Variants in PAN3 observed in about 807,000 individuals in gnomAD.
PAN3 encodes poly(A) specific ribonuclease subunit PAN3.
Under a neutral mutation model 96.2 loss-of-function variants are expected in PAN3, and 19 were observed. The ratio of observed to expected loss-of-function variants is 0.20; its 90% CI spans 0.14 to 0.29. PAN3 has a LOEUF of 0.29. Among genes scored for constraint, PAN3 ranks in the 10% least tolerant of loss-of-function variants. The pLI is 1.00. For missense variants in PAN3, 882 were observed against 1,108.1 expected, an observed-to-expected ratio of 0.80 and a Z score of 2.90; for synonymous variants, 433 against 406.6, an observed-to-expected ratio of 1.06 and a Z score of -0.78.
intron 15 of PAN3, among the ~76,000 whole-genome samples, chr13:28,277,942 TATCG>T (rs1437921278): frequency 6.6e-6 from 1 of 152,194 alleles, no homozygotes; most frequent in East Asian, 1.9e-4. Flanking sequence ...AATCCTTGAG[TATCG>T]ATTTGAGATG....
At chr13:28,196,293 G>A (rs2138226989) in intron 4 of PAN3, among the ~76,000 whole-genome samples, 1 of 151,904 alleles carries the variant, frequency 6.6e-6, no homozygotes, top group Non-Finnish European at 1.5e-5. Flanking sequence ...ATGAATTAGT[G>A]TTTTCTGAAG....
chr13:28,207,079 A>G (rs1879464216), intron 5 of PAN3, among the ~76,000 whole-genome samples: 1 of 152,196 alleles, frequency 6.6e-6, no homozygotes, highest in Non-Finnish European at 1.5e-5. Flanking sequence ...ATAAAAATAA[A>G]TGAATAAAAA....
Position 28,169,658 on chromosome 13 carries a change from C to G in PAN3, c.431-4614C>G, listed in dbSNP as rs113928456. Among the ~76,000 whole-genome samples the G allele has an allele frequency of 9.8e-3, 1,487 of 152,164 alleles. 18 individuals are homozygous for G. Among genetic ancestry groups the G allele is most frequent in the African/African-American group, 0.034 (1,421 of 41,530 alleles). ...CGTATCATTGGTTAGTGATTTTTTC[C>G]TAACTGCACTCCAAGTATCTATTCC... On this transcript the variant is annotated intron_variant, in intron 1 of 18. Coordinates refer to ENST00000380958, the MANE Select transcript of PAN3 (RefSeq NM_175854.8).
intron 18 of PAN3, among the ~76,000 whole-genome samples, chr13:28,288,911 C>T (rs957247386): frequency 1.4e-5 from 2 of 142,192 alleles, no homozygotes; most frequent in African/African-American, 5.3e-5. Flanking sequence ...ACTGCAAGCT[C>T]CGCCTCCCGG....
chr13:28,179,435 G>T (rs1358410716), intron 4 of PAN3, among the ~76,000 whole-genome samples: 1 of 152,114 alleles, frequency 6.6e-6, no homozygotes, highest in Non-Finnish European at 1.5e-5. Flanking sequence ...AGTTAACTTG[G>T]CTGGGCAAGG....
At chr13:28,158,627 C>T (rs1872518204) in intron 1 of PAN3, among the ~76,000 whole-genome samples, 1 of 152,182 alleles carries the variant, frequency 6.6e-6, no homozygotes, top group Non-Finnish European at 1.5e-5. Flanking sequence ...CCTGTAATCC[C>T]AGCACTTTGG....
At chr13:28,139,204 A>G in intron 1 of PAN3, 117 bp downstream of exon 1, 9 of 1,147,506 alleles carry the variant, frequency 7.8e-6, no homozygotes, top group Non-Finnish European at 9.9e-6. Flanking sequence ...TCACCTCCCA[A>G]GGCGGTCTGA....
At chr13:28,233,459 G>A (rs1351395564) in intron 6 of PAN3, among the ~76,000 whole-genome samples, 2 of 151,870 alleles carry the variant, frequency 1.3e-5, no homozygotes, top group Non-Finnish European at 2.9e-5. Flanking sequence ...TAGAGATGGG[G>A]TTTCACCATG....
At chr13:28,287,406 T>C (rs543553244) in intron 17 of PAN3, among the ~76,000 whole-genome samples, 1 of 152,332 alleles carries the variant, frequency 6.6e-6, no homozygotes, top group African/African-American at 2.4e-5. Context: ...TTATATCATA[T>C]TCCTTTTAGG....
chr13:28,146,159 G>T (rs2137937552), intron 1 of PAN3, among the ~76,000 whole-genome samples: 1 of 151,820 alleles, frequency 6.6e-6, no homozygotes, highest in South Asian at 2.1e-4. Flanking sequence ...TCATCTTATT[G>T]TCCAGGGTTA....
At chr13:28,190,198 G>A (rs1169198043) in intron 4 of PAN3, among the ~76,000 whole-genome samples, 5 of 152,150 alleles carry the variant, frequency 3.3e-5, no homozygotes, top group Admixed American at 6.5e-5. Flanking sequence ...GCCCGCGTCG[G>A]CCTCCCAAAG....
At chr13:28,165,577 C>T (rs1027064918) in intron 1 of PAN3, among the ~76,000 whole-genome samples, 5 of 152,088 alleles carry the variant, frequency 3.3e-5, no homozygotes, top group Non-Finnish European at 5.9e-5. Flanking sequence ...TCAACCTTGC[C>T]ACAGTTGTTA....
At chr13:28,273,849 A>C (rs745786794) in intron 14 of PAN3, among the ~76,000 whole-genome samples, 1 of 152,180 alleles carries the variant, frequency 6.6e-6, no homozygotes, top group African/African-American at 2.4e-5. Flanking sequence ...TCTCTTTTCA[A>C]CTTATTTTGT....
chr13:28,245,370 C>T (rs9582026), intron 6 of PAN3, among the ~76,000 whole-genome samples: 7,192 of 150,296 alleles, frequency 0.048, 270 homozygotes, highest in South Asian at 0.15. Flanking sequence ...TTTGTTGCTG[C>T]TAGTAAATGT....
intron 4 of PAN3, among the ~76,000 whole-genome samples, chr13:28,186,696 C>CTGGCAGCTACATAG (rs1876513537): frequency 6.6e-6 from 1 of 152,156 alleles, no homozygotes; most frequent in African/African-American, 2.4e-5. Context: ...AGTAGACATT[C>CTGGCAGCTACATAG]TGGCAGCTAC....
chr13:28,193,786 A>G (rs1014456948), intron 4 of PAN3, among the ~76,000 whole-genome samples: 7 of 151,324 alleles, frequency 4.6e-5, no homozygotes, highest in African/African-American at 1.7e-4. Flanking sequence ...CCAAAGAGCA[A>G]CAACCTTTTT....
At chr13:28,260,173 G>A (rs371219387) in intron 7 of PAN3, among the ~76,000 whole-genome samples, 1 of 151,942 alleles carries the variant, frequency 6.6e-6, no homozygotes, top group Non-Finnish European at 1.5e-5. Context: ...GAGGCAGGTG[G>A]ATCACCTGAG....
chr13:28,241,657 G>T (rs967191735), intron 6 of PAN3, among the ~76,000 whole-genome samples: 2 of 152,116 alleles, frequency 1.3e-5, no homozygotes, highest in South Asian at 2.1e-4. Flanking sequence ...ACATGTTTAG[G>T]ACTCTTAGAA....
At chr13:28,276,620 T>C (rs1887081501) in intron 14 of PAN3, among the ~76,000 whole-genome samples, 1 of 152,136 alleles carries the variant, frequency 6.6e-6, no homozygotes, top group Non-Finnish European at 1.5e-5. Flanking sequence ...TGAGGAAAAA[T>C]AGTCTATTTG....
Sources: gnomAD v4.1 joint callset for allele counts (sites outside exome capture counted in the v4.1 genomes callset) on GRCh38, gnomAD v4.1.1 for gene constraint, MANE v1.5 for transcripts, NCBI Gene and HGNC (gene_info 2026-07-23, HGNC 2026-07-21) for gene names.